SORT1: variants seen among roughly 807,000 people sequenced by gnomAD.
SORT1 encodes sortilin.
SORT1 carries 39 observed loss-of-function variants against 101.7 expected under a neutral mutation model. The ratio of observed to expected loss-of-function variants is 0.38; its 90% confidence interval spans 0.30 to 0.50. SORT1 has a LOEUF of 0.50. Ranked by LOEUF, SORT1 falls within the 20% of genes least tolerant of loss-of-function variation. SORT1 has a pLI of 0.90. For missense variants in SORT1, 878 were observed against 1,040.4 expected (o/e 0.84, Z 2.15); for synonymous variants, 396 against 393.7 (o/e 1.01, Z -0.07).
intron 3 of SORT1, among the ~76,000 whole-genome samples, chr1:109,361,009 A>C (rs1650691798): frequency 6.6e-6 from 1 of 152,196 alleles, no homozygotes; most frequent in South Asian, 2.1e-4. Flanking sequence ...CACCTATGCT[A>C]ATCTCTTTAT....
chr1:109,381,626 T>C (rs1652240769), intron 1 of SORT1, among the ~76,000 whole-genome samples: 1 of 152,110 alleles, frequency 6.6e-6, no homozygotes, highest in Non-Finnish European at 1.5e-5. Context: ...TCCTAGTACT[T>C]TGGGAGGATG....
intron 1 of SORT1, among the ~76,000 whole-genome samples, chr1:109,371,517 A>T (rs1189578947): frequency 2.6e-5 from 4 of 152,228 alleles, no homozygotes; most frequent in African/African-American, 4.8e-5. Context: ...CAGTTATGGC[A>T]CTGGAATTCG....
At chr1:109,333,788 C>T (rs551928911) in intron 11 of SORT1, among the ~76,000 whole-genome samples, 1 of 152,312 alleles carries the variant, frequency 6.6e-6, no homozygotes, top group South Asian at 2.1e-4. Context: ...ACCCTGTACA[C>T]TGTTGGTGGG....
Position 109,397,808 on chromosome 1 carries a change from G to C in SORT1, c.85C>G (p.Pro29Ala). ...AGCCGGTCCTGGCTGAGGGTCGACG[G>C]CGGCAGCAGCTGCAGGAGGAGGAGG... ...GLLLLLQLLP[P>A]STLSQDRLDA... The change falls in exon 1 of 20, where the codon CCG becomes GCG. Residue 29 changes from proline (P) to alanine (A), a missense_variant. Around this residue, in one of 2 missense-constraint regions of SORT1, gnomAD observed 194 missense variants for 145.9 expected, o/e 1.33. Coordinates refer to ENST00000256637, the MANE Select transcript of SORT1 (RefSeq NM_002959.7). The C allele has an allele frequency of 7.8e-7, 1 of 1,279,092 alleles. No individual in the cohort carries two copies. The highest frequency in any genetic ancestry group is 1.0e-6 in the Non-Finnish European group (1 of 1,005,018). 79.2% of individuals were successfully genotyped at this position (1,279,092 alleles called of 1,614,324 possible). A position where few individuals can be genotyped will look rare whatever the true frequency, so the allele number is the denominator to read the frequency against.
chr1:109,356,676 T>G (rs1650344774), intron 3 of SORT1, among the ~76,000 whole-genome samples: 1 of 152,214 alleles, frequency 6.6e-6, no homozygotes, highest in Non-Finnish European at 1.5e-5. Flanking sequence ...TGTAAGGCAC[T>G]CAGTACATGA....
chr1:109,389,011 C>G (rs1157138302), intron 1 of SORT1, among the ~76,000 whole-genome samples: 1 of 152,238 alleles, frequency 6.6e-6, no homozygotes, highest in East Asian at 1.9e-4. Flanking sequence ...TTGCCACCCC[C>G]ACCCAAGCCT....
chr1:109,346,434 A>G (rs1649601331), intron 7 of SORT1, among the ~76,000 whole-genome samples: 1 of 151,972 alleles, frequency 6.6e-6, no homozygotes, highest in African/African-American at 2.4e-5. Context: ...ATTCTAATAC[A>G]GTGTTTCATA....
intron 1 of SORT1, among the ~76,000 whole-genome samples, chr1:109,372,807 G>A (rs1651567180): frequency 6.6e-6 from 1 of 151,508 alleles, no homozygotes; most frequent in Non-Finnish European, 1.5e-5. Context: ...GCTGAGGCAG[G>A]AGAATGGCGT....
intron 2 of SORT1, 112 bp from the exon 3 acceptor site, chr1:109,367,593 G>T: frequency 1.5e-6 from 1 of 647,256 alleles, no homozygotes; most frequent in Non-Finnish European, 2.7e-6. Context: ...CTACTTTGTA[G>T]TACTCCCCAA....
At chr1:109,382,126 A>C (rs989901172) in intron 1 of SORT1, among the ~76,000 whole-genome samples, 9 of 152,056 alleles carry the variant, frequency 5.9e-5, no homozygotes, top group Admixed American at 5.9e-4. Flanking sequence ...CACATAGACC[A>C]TATCAGTTTA....
chr1:109,368,377 C>G (rs1651242319), intron 2 of SORT1: 1 of 151,110 alleles, frequency 6.6e-6, no homozygotes, highest in Non-Finnish European at 1.5e-5. Context: ...GGGTACAACT[C>G]AAATTTTAGA....
At chr1:109,321,393 T>G (rs900448492) in intron 15 of SORT1, among the ~76,000 whole-genome samples, 7 of 152,090 alleles carry the variant, frequency 4.6e-5, no homozygotes, top group African/African-American at 1.7e-4. Flanking sequence ...TGCGGTGGCA[T>G]GGAGGTCTGA....
intron 11 of SORT1, 104 bp from the exon 12 acceptor site, chr1:109,327,705 C>G: frequency 3.0e-6 from 2 of 657,064 alleles, no homozygotes; most frequent in Non-Finnish European, 5.0e-6. Context: ...TAACCCAGAC[C>G]TAGGTAAAAG....
At chr1:109,371,870 G>A (rs1396051289) in intron 1 of SORT1, among the ~76,000 whole-genome samples, 2 of 152,080 alleles carry the variant, frequency 1.3e-5, no homozygotes, top group African/African-American at 4.8e-5. Context: ...TTGAAAATGG[G>A]CAAACTCACT....
rs1228771965 is a variant in SORT1 at position 109,353,328 on chromosome 1, C to CAA, written c.708+1037_708+1038dup. 3.3e-3 allele frequency among the ~76,000 whole-genome samples: 203 copies of CAA among 60,818 alleles called. 2 individuals are homozygous for CAA. The highest frequency in any genetic ancestry group is 0.012 in the African/African-American group (165 of 14,240). 39.9% of individuals were successfully genotyped at this position (60,818 alleles called of 152,430 possible). A position where few individuals can be genotyped will look rare whatever the true frequency, so the allele number is the denominator to read the frequency against. ...GGGCAAGAAGAGCAAAACTCTGTCT[C>CAA]AAAAAAAAAAAAAAAAAAAAAAACA... On this transcript the variant is annotated intron_variant, in intron 5 of 19. Transcript: ENST00000256637.
intron 19 of SORT1, 99 bp downstream of exon 19, chr1:109,314,162 T>A (rs1054631581): frequency 1.9e-6 from 3 of 1,579,276 alleles, no homozygotes; most frequent in Non-Finnish European, 2.6e-6. Context: ...TTAAGTCGCC[T>A]TGGCCCTGGC....
chr1:109,351,424 G>A (rs373436496), intron 5 of SORT1, among the ~76,000 whole-genome samples: 1 of 152,236 alleles, frequency 6.6e-6, no homozygotes, highest in East Asian at 1.9e-4. Flanking sequence ...AAGAAGACAG[G>A]TGCACTGAGT....
intron 1 of SORT1, among the ~76,000 whole-genome samples, chr1:109,386,518 G>A (rs2101653902): frequency 6.6e-6 from 1 of 152,250 alleles, no homozygotes; most frequent in South Asian, 2.1e-4. Flanking sequence ...GGAACAGAGG[G>A]TTAATATAGG....
At chr1:109,374,601 A>G (rs1441655324) in intron 1 of SORT1, among the ~76,000 whole-genome samples, 2 of 151,760 alleles carry the variant, frequency 1.3e-5, no homozygotes, top group African/African-American at 4.8e-5. Flanking sequence ...AAAAAAAAAG[A>G]AAGAAAGAAA....
Sources: allele counts gnomAD v4.1 joint callset (sites outside exome capture counted in the v4.1 genomes callset), GRCh38; gene constraint gnomAD v4.1.1; regional missense constraint gnomAD v4.1.1; transcripts MANE v1.5; gene names NCBI Gene and HGNC (gene_info 2026-07-23, HGNC 2026-07-21).